The following OLFM3 variants were observed in gnomAD, a reference collection of about 807,000 sequenced individuals.
OLFM3 encodes noelin-3.
A neutral mutation model predicts 48.6 loss-of-function variants in OLFM3; 20 were observed. The observed-to-expected ratio is 0.41, with a 90% CI of 0.29 to 0.60. OLFM3 has a LOEUF of 0.60. Ranked by LOEUF, OLFM3 falls within the 20% of genes least tolerant of loss-of-function variation. OLFM3 has a pLI of 0.28. For missense variants in OLFM3, 437 were observed against 544.3 expected (o/e 0.80, Z 1.96); for synonymous variants, 222 against 198.1 (o/e 1.12, Z -1.01).
At chr1:101,880,758 G>A (rs1339466601) in intron 1 of OLFM3, among the ~76,000 whole-genome samples, 3 of 151,832 alleles carry the variant, frequency 2.0e-5, no homozygotes, top group Non-Finnish European at 4.4e-5. Context: ...TACCTTGGAG[G>A]AGAAAGTAAT....
chr1:101,990,879 G>A (rs1570695891), intron 1 of OLFM3, among the ~76,000 whole-genome samples: 1 of 149,856 alleles, frequency 6.7e-6, no homozygotes, highest in East Asian at 2.0e-4. Context: ...AAGATGCTCA[G>A]GAGGCTGAGG....
intron 4 of OLFM3, among the ~76,000 whole-genome samples, chr1:101,822,917 CT>C (rs1480462786): frequency 6.6e-6 from 1 of 151,042 alleles, no homozygotes; most frequent in Non-Finnish European, 1.5e-5. Context: ...AAATAAATAA[CT>C]TTTCCCTTGC....
intron 1 of OLFM3, among the ~76,000 whole-genome samples, chr1:101,926,792 G>C (rs1000660773): frequency 6.6e-6 from 1 of 152,118 alleles, no homozygotes; most frequent in Non-Finnish European, 1.5e-5. Flanking sequence ...CAATAGGGTA[G>C]ACAATTGTCT....
At chr1:101,973,790 CAAGA>C (rs1328892323) in intron 1 of OLFM3, among the ~76,000 whole-genome samples, 1 of 152,076 alleles carries the variant, frequency 6.6e-6, no homozygotes, top group Non-Finnish European at 1.5e-5. Context: ...TCAAGAAGGA[CAAGA>C]AAGAGAGATG....
chr1:101,982,195 C>G (rs766563300), intron 1 of OLFM3, among the ~76,000 whole-genome samples: 14 of 151,996 alleles, frequency 9.2e-5, no homozygotes, highest in Non-Finnish European at 1.9e-4. Context: ...GCATGTGTGG[C>G]GATGGTGATG....
At chr1:101,991,949 C>A (rs190306829) in intron 1 of OLFM3, among the ~76,000 whole-genome samples, 30 of 151,950 alleles carry the variant, frequency 2.0e-4, no homozygotes, top group Admixed American at 5.2e-4. Flanking sequence ...TAACTAGACC[C>A]TACAAAAGAA....
intron 1 of OLFM3, among the ~76,000 whole-genome samples, chr1:101,871,891 G>A (rs1234021237): frequency 6.6e-6 from 1 of 152,056 alleles, no homozygotes; most frequent in Non-Finnish European, 1.5e-5. Context: ...GTACCACAGA[G>A]AGAAGTGGTC....
chr1:101,839,925 T>C (rs1464735653), intron 1 of OLFM3, among the ~76,000 whole-genome samples: 9 of 152,176 alleles, frequency 5.9e-5, no homozygotes, highest in Admixed American at 2.6e-4. Context: ...AGCCAGCTTT[T>C]TGACAAGAAA....
chr1:101,849,340 C>T (rs140046340), intron 1 of OLFM3, among the ~76,000 whole-genome samples: 25 of 152,258 alleles, frequency 1.6e-4, no homozygotes, highest in Non-Finnish European at 2.8e-4. Flanking sequence ...TGAGAAGTAG[C>T]GGACTGTGTT....
intron 1 of OLFM3, among the ~76,000 whole-genome samples, chr1:101,873,191 T>G (rs1433273984): frequency 6.6e-6 from 1 of 151,690 alleles, no homozygotes; most frequent in Non-Finnish European, 1.5e-5. Flanking sequence ...ATGAGAAGAG[T>G]GCCGTGTCCC....
At chr1:101,979,336 C>A (rs1308733404) in intron 1 of OLFM3, among the ~76,000 whole-genome samples, 1 of 152,122 alleles carries the variant, frequency 6.6e-6, no homozygotes, top group African/African-American at 2.4e-5. Flanking sequence ...TGTGTCCCCA[C>A]CTAAATCTCA....
intron 4 of OLFM3, among the ~76,000 whole-genome samples, chr1:101,815,226 C>T (rs1242259060): frequency 3.9e-5 from 6 of 152,008 alleles, no homozygotes; most frequent in Admixed American, 2.6e-4. Context: ...GTGGGCGGAT[C>T]ACAAGGTCAG....
chr1:101,890,314 GTAA>G (rs1657941405), intron 1 of OLFM3, among the ~76,000 whole-genome samples: 1 of 151,646 alleles, frequency 6.6e-6, no homozygotes, highest in Admixed American at 6.6e-5. Flanking sequence ...TTGTGTACAA[GTAA>G]TAATACGAAC....
chr1:101,956,056 C>A (rs115490659), intron 1 of OLFM3, among the ~76,000 whole-genome samples: 2,224 of 145,524 alleles, frequency 0.015, 21 homozygotes, highest in African/African-American at 0.022. Context: ...TTTCTTGCAT[C>A]TGTCATATCT....
chr1:101,919,670 G>A (rs1485356254), intron 1 of OLFM3, among the ~76,000 whole-genome samples: 1 of 152,054 alleles, frequency 6.6e-6, no homozygotes, highest in Non-Finnish European at 1.5e-5. Context: ...ACTTTTCTGT[G>A]TTTCTTCTAC....
At chr1:101,852,099 A>G (rs1265149873) in intron 1 of OLFM3, among the ~76,000 whole-genome samples, 1 of 151,992 alleles carries the variant, frequency 6.6e-6, no homozygotes, top group Non-Finnish European at 1.5e-5. Context: ...TTAGCAGATC[A>G]TTCCCAGCAT....
chr1:101,963,337 T>A (rs1660518760), intron 1 of OLFM3, among the ~76,000 whole-genome samples: 1 of 152,206 alleles, frequency 6.6e-6, no homozygotes, highest in Non-Finnish European at 1.5e-5. Context: ...CTCTAAATTC[T>A]TTTCAGGTGG....
chr1:101,804,951 A>T lies in OLFM3; in HGVS notation c.700-36T>A. On this transcript the variant is annotated intron_variant, in intron 5 of 5. Transcript: ENST00000370103. The surrounding 1 kb of genome is among the most constrained non-coding windows in gnomAD (Gnocchi z 4.5). ...GGAAAAAAATAAATGGAGTGACTAA[A>T]TTCTGTACTTTTCTGATAACCCCAA... is the stretch of plus-strand genomic sequence containing the variant. 1 of 1,496,834 alleles carries T rather than the reference A, an allele frequency of 6.7e-7. No individual in the cohort carries two copies. 92.7% of individuals were successfully genotyped at this position (1,496,834 alleles called of 1,614,324 possible). A position where few individuals can be genotyped will look rare whatever the true frequency, so the allele number is the denominator to read the frequency against.
At chr1:101,975,363 A>G (rs1444564025) in intron 1 of OLFM3, among the ~76,000 whole-genome samples, 1 of 152,212 alleles carries the variant, frequency 6.6e-6, no homozygotes, top group African/African-American at 2.4e-5. Context: ...TTTTACTTCT[A>G]TGGAAACGTA....
Sources: gnomAD v4.1 joint callset for allele counts (sites outside exome capture counted in the v4.1 genomes callset) on GRCh38, gnomAD v4.1.1 for gene constraint, Gnocchi (gnomAD v3.1) non-coding constraint, MANE v1.5 for transcripts, NCBI Gene and HGNC (gene_info 2026-07-23, HGNC 2026-07-21) for gene names.